Variants in TUSC3 observed in about 807,000 individuals in gnomAD.
TUSC3 encodes the protein dolichyl-diphosphooligosaccharide--protein glycosyltransferase subunit TUSC3.
TUSC3 carries 45 observed loss-of-function variants against 44.8 expected under a neutral mutation model. The observed-to-expected ratio is 1.00, with a 90% CI of 0.79 to 1.29. The LOEUF (loss-of-function observed/expected upper bound fraction) is 1.29, where lower values mean the gene tolerates loss of function less well. Ranked by LOEUF, TUSC3 falls within the 50% of genes most tolerant of loss-of-function variation. TUSC3 has a pLI of 0.00. For synonymous variants in TUSC3, 212 were observed against 152.9 expected, an observed-to-expected ratio of 1.39 and a Z score of -2.85; for missense variants, 519 against 437.9, an observed-to-expected ratio of 1.19 and a Z score of -1.65.
chr8:15,574,987 G>C (rs1179456512), intron 1 of TUSC3, among the ~76,000 whole-genome samples: 2 of 151,970 alleles, frequency 1.3e-5, no homozygotes, highest in East Asian at 3.9e-4. Flanking sequence ...TTTAACTTTG[G>C]GGTGGTTCTT....
chr8:15,530,950 C>T (rs544995847), intron 2 of TUSC3, among the ~76,000 whole-genome samples: 1 of 152,248 alleles, frequency 6.6e-6, no homozygotes, highest in East Asian at 1.9e-4. Flanking sequence ...TCGGGTGTCA[C>T]CCCAGAAAAC....
chr8:15,452,983 C>T (rs926447624), intron 1 of TUSC3, among the ~76,000 whole-genome samples: 3 of 152,078 alleles, frequency 2.0e-5, no homozygotes, highest in African/African-American at 4.8e-5. Flanking sequence ...ACCACTCCCC[C>T]GTCACAAGTA....
chr8:15,773,282 A>G, the TUSC3 span, among the ~76,000 whole-genome samples: 1 of 152,204 alleles, frequency 6.6e-6, no homozygotes, highest in East Asian at 1.9e-4. Flanking sequence ...TGCAGGATAC[A>G]TGGTTAACAT....
rs117287904 is a variant in TUSC3 at position 15,534,928 on chromosome 8, T to C, written n.189+51445T>C. Reference sequence around the variant, plus strand: ...AGTGGTTGAAGTATGGCCGCTGGGATTGGCCAATACTCAGCTGTTGTTACA... The same window carrying C: ...AGTGGTTGAAGTATGGCCGCTGGGACTGGCCAATACTCAGCTGTTGTTACA... On this transcript the variant is annotated intron_variant and non_coding_transcript_variant, in intron 2 of 5. Transcript: ENST00000503191. 1.2e-3 allele frequency among the ~76,000 whole-genome samples: 184 copies of C among 152,276 alleles called. 3 individuals are homozygous for C. In the East Asian group the frequency reaches 0.032, roughly 27 times the overall value.
At chr8:15,444,707 T>C (rs748048745) in intron 1 of TUSC3, among the ~76,000 whole-genome samples, 3 of 152,188 alleles carry the variant, frequency 2.0e-5, no homozygotes, top group Non-Finnish European at 4.4e-5. Flanking sequence ...AGAATCTTTG[T>C]CAGTATCTCC....
intron 1 of TUSC3, among the ~76,000 whole-genome samples, chr8:15,561,307 C>A (rs1276283905): frequency 7.4e-5 from 11 of 148,084 alleles, no homozygotes; most frequent in Non-Finnish European, 1.7e-4. Context: ...CCTCCCAGTT[C>A]GGCTGCTAGG....
chr8:15,748,602 C>T lies in TUSC3; in HGVS notation c.1028+137C>T, dbSNP rs752770449. ...ATTCAGTTAAGCAAGTTTTTGAGCA[C>T]CTGCCATGTGTTCAGCATAGTGAAG... On this transcript the variant is annotated intron_variant, in intron 9 of 10. Transcript: ENST00000503731. The T allele has an allele frequency of 3.0e-5, 24 of 809,710 alleles. No individual in the cohort carries two copies. The Admixed American group carries it at 4.1e-4, about 14-fold the overall frequency. The allele number at this position is 809,710 out of a possible 1,614,324, so 50.2% of individuals were successfully genotyped here.
At position 15,586,961 on chromosome 8, in the gene TUSC3, A is replaced by T. The variant is rs181858640; in HGVS notation, c.139-36119A>T. Among the ~76,000 whole-genome samples, 146 of 152,318 alleles carry T rather than the reference A, an allele frequency of 9.6e-4. 2 individuals are homozygous for T. The highest frequency in any genetic ancestry group is 3.4e-3 in the African/African-American group (141 of 41,576). On this transcript the variant is annotated intron_variant, in intron 1 of 10. Coordinates refer to ENST00000503731, the MANE Select transcript of TUSC3 (RefSeq NM_006765.4). ...TAAGCCATCCTAGTGATTCTGATGA[A>T]TGCTAAAGTTTGAGAACTGCTGGTT...
the TUSC3 span, among the ~76,000 whole-genome samples, chr8:15,833,871 A>T: frequency 1.3e-5 from 2 of 151,976 alleles, no homozygotes; most frequent in East Asian, 3.9e-4. Flanking sequence ...TTAAAGTGTG[A>T]GATATAAACT....
chr8:15,578,880 C>T (rs1803214874), intron 1 of TUSC3, among the ~76,000 whole-genome samples: 1 of 152,020 alleles, frequency 6.6e-6, no homozygotes, highest in African/African-American at 2.4e-5. Context: ...GGAATAGTTT[C>T]AGAAGGAATG....
At chr8:15,617,209 C>G (rs930271196) in intron 1 of TUSC3, among the ~76,000 whole-genome samples, 1 of 148,512 alleles carries the variant, frequency 6.7e-6, no homozygotes, top group Non-Finnish European at 1.5e-5. Context: ...GTGTGATCTC[C>G]GCTCACTGCA....
At chr8:15,648,940 A>G (rs1293560821) in intron 2 of TUSC3, among the ~76,000 whole-genome samples, 5 of 151,872 alleles carry the variant, frequency 3.3e-5, no homozygotes, top group African/African-American at 1.2e-4. Flanking sequence ...ATGAACTAAT[A>G]AAGTCCCTTT....
At chr8:15,539,484 A>G (rs921698073), upstream of TUSC3, among the ~76,000 whole-genome samples, 4 of 148,800 alleles carry the variant, frequency 2.7e-5, no homozygotes, top group African/African-American at 9.9e-5. Flanking sequence ...TCCCAAGTAG[A>G]GGAACTGCAA....
the TUSC3 span, among the ~76,000 whole-genome samples, chr8:15,850,581 G>A: frequency 1.3e-5 from 2 of 151,970 alleles, no homozygotes; most frequent in Non-Finnish European, 2.9e-5. Context: ...TCCCCTATTT[G>A]TATTCAGTAG....
At chr8:15,434,006 G>A (rs1025746172) in intron 1 of TUSC3, among the ~76,000 whole-genome samples, 2 of 152,108 alleles carry the variant, frequency 1.3e-5, no homozygotes, top group African/African-American at 2.4e-5. Context: ...CATATACTAA[G>A]TATATATTTA....
At chr8:15,731,000 A>C (rs1295666523) in intron 7 of TUSC3, among the ~76,000 whole-genome samples, 1 of 152,030 alleles carries the variant, frequency 6.6e-6, no homozygotes, top group Non-Finnish European at 1.5e-5. Flanking sequence ...ATCTCTGGCT[A>C]GATTTTTTCA....
the TUSC3 span, among the ~76,000 whole-genome samples, chr8:15,827,994 CTTTTTTT>C: frequency 7.2e-6 from 1 of 138,154 alleles, no homozygotes; most frequent in South Asian, 2.3e-4. Context: ...AATTTGGTAT[CTTTTTTT>C]TTTTTTTTTT....
the TUSC3 span, among the ~76,000 whole-genome samples, chr8:15,786,710 C>T: frequency 2.7e-4 from 41 of 151,660 alleles, no homozygotes; most frequent in Non-Finnish European, 4.4e-4. Context: ...TTTGGGTGGC[C>T]GAGGCGGTGG....
the TUSC3 span, among the ~76,000 whole-genome samples, chr8:15,778,515 C>T: frequency 6.6e-6 from 1 of 151,880 alleles, no homozygotes; most frequent in Non-Finnish European, 1.5e-5. Flanking sequence ...TAGCTGCTTC[C>T]CACATTTATC....
Sources: allele counts gnomAD v4.1 joint callset (sites outside exome capture counted in the v4.1 genomes callset), GRCh38; gene constraint gnomAD v4.1.1; transcripts MANE v1.5; gene names NCBI Gene and HGNC (gene_info 2026-07-23, HGNC 2026-07-21).